MYO18B: variants seen among roughly 807,000 people sequenced by gnomAD.
The protein encoded by MYO18B is myosin XVIIIB.
Under a neutral mutation model 273.0 loss-of-function variants are expected in MYO18B, and 204 were observed. That is an observed-to-expected ratio of 0.75 (90% CI 0.67 to 0.84). MYO18B has a LOEUF of 0.84. MYO18B is among the 40% of genes least tolerant of loss of function. The pLI is 0.00. For synonymous variants in MYO18B, 1,330 were observed against 1,305.7 expected (o/e 1.02, Z -0.40); for missense variants, 3,212 against 3,287.6 (o/e 0.98, Z 0.56).
At chr22:25,824,731 C>T (rs116410840) in intron 13 of MYO18B, among the ~76,000 whole-genome samples, 1 of 152,198 alleles carries the variant, frequency 6.6e-6, no homozygotes, top group African/African-American at 2.4e-5. Flanking sequence ...CAGGTCTGTG[C>T]TCTGGTGTGA....
At chr22:25,819,155 A>G (rs1397866573) in intron 12 of MYO18B, among the ~76,000 whole-genome samples, 1 of 152,146 alleles carries the variant, frequency 6.6e-6, no homozygotes, top group Non-Finnish European at 1.5e-5. Flanking sequence ...CTGATAGTAG[A>G]AGATGCTTTT....
intron 21 of MYO18B, among the ~76,000 whole-genome samples, chr22:25,857,439 C>T (rs1473154098): frequency 6.6e-6 from 1 of 152,002 alleles, no homozygotes; most frequent in African/African-American, 2.4e-5. Context: ...GTTATTCTGT[C>T]TCCCACCCTG....
At chr22:25,934,338 G>C (rs1383137801) in intron 34 of MYO18B, among the ~76,000 whole-genome samples, 5 of 152,050 alleles carry the variant, frequency 3.3e-5, no homozygotes, top group Non-Finnish European at 7.4e-5. Context: ...AAACATCTTA[G>C]AATCCAAATT....
intron 25 of MYO18B, among the ~76,000 whole-genome samples, chr22:25,889,091 T>A (rs983080382): frequency 6.6e-6 from 1 of 152,182 alleles, no homozygotes; most frequent in Admixed American, 6.5e-5. Flanking sequence ...TGCTTTGTTC[T>A]GTGCAAACAA....
At position 25,797,974 on chromosome 22, in the gene MYO18B, G is replaced by A. The variant is rs753860335; in HGVS notation, c.2398G>A (p.Ala800Thr). 2.5e-6 allele frequency: 4 copies of A among 1,614,030 alleles called. No individual in the cohort carries two copies. The highest frequency in any genetic ancestry group is 2.2e-5 in the East Asian group (1 of 44,882). ...GCAGCCTGAAGATAAACAGAAGGCGGCAGCTGCCTTTGCCCAGCTCCAGGG... is the reference window on the plus strand; with the variant it reads ...GCAGCCTGAAGATAAACAGAAGGCGACAGCTGCCTTTGCCCAGCTCCAGGG... Reference protein sequence around the residue: ...WSKPEDKQKAAAAFAQLQGAM... With the variant: ...WSKPEDKQKATAAFAQLQGAM... The change falls in exon 12 of 44, where the codon GCA (alanine) becomes ACA (threonine). Residue 800 changes from alanine to threonine, a missense_variant. Transcript: ENST00000335473.
intron 11 of MYO18B, among the ~76,000 whole-genome samples, chr22:25,794,459 T>G (rs541601220): frequency 9.2e-5 from 14 of 152,226 alleles, no homozygotes; most frequent in Admixed American, 7.8e-4. Flanking sequence ...GTGCTGGGAT[T>G]ACAGGCATGA....
At chr22:25,825,257 G>A (rs1042067199) in intron 13 of MYO18B, among the ~76,000 whole-genome samples, 16 of 152,160 alleles carry the variant, frequency 1.1e-4, no homozygotes, top group African/African-American at 3.6e-4. Context: ...GAGATGCTGG[G>A]AGGCTGTGGG....
chr22:25,800,371 G>A (rs1035750738), intron 12 of MYO18B, among the ~76,000 whole-genome samples: 3 of 152,342 alleles, frequency 2.0e-5, no homozygotes, highest in Admixed American at 2.0e-4. Context: ...GGCTGTTTGG[G>A]CATCACCACT....
At chr22:25,915,774 C>A (rs537518991) in intron 33 of MYO18B, among the ~76,000 whole-genome samples, 1 of 152,276 alleles carries the variant, frequency 6.6e-6, no homozygotes. Context: ...CATATGTTTT[C>A]AATACACAGC....
intron 37 of MYO18B, 67 bp downstream of exon 37, chr22:25,950,517 G>GTTGTGTGTGTGTGT: frequency 3.3e-5 from 8 of 245,048 alleles, no homozygotes; most frequent in Middle Eastern, 1.2e-3. Context: ...GAACTAATAG[G>GTTGTGTGTGTGTGT]ATGTGTGTGT....
intron 19 of MYO18B, among the ~76,000 whole-genome samples, chr22:25,847,053 C>A (rs966436950): frequency 6.7e-6 from 1 of 149,588 alleles, no homozygotes. Context: ...GCACTCCAGC[C>A]TGGCAACGGA....
intron 42 of MYO18B, among the ~76,000 whole-genome samples, chr22:26,013,210 C>T (rs1034923194): frequency 6.6e-6 from 1 of 152,170 alleles, no homozygotes; most frequent in East Asian, 1.9e-4. Context: ...CACTTCTGCA[C>T]CACTACCCAT....
At chr22:25,895,133 G>A in intron 27 of MYO18B, 23 bp from the exon 28 acceptor site, 1 of 1,609,364 alleles carries the variant, frequency 6.2e-7, no homozygotes, top group African/African-American at 1.3e-5. Context: ...TCTTATCCTG[G>A]TCTCCCTGAC....
At chr22:26,045,186 A>G in the MYO18B span, among the ~76,000 whole-genome samples, 1 of 151,602 alleles carries the variant, frequency 6.6e-6, no homozygotes, top group African/African-American at 2.4e-5. Flanking sequence ...TGTCATCTCC[A>G]TGGAAACACA....
chr22:25,812,232 C>T (rs958816760), intron 12 of MYO18B, among the ~76,000 whole-genome samples: 2 of 152,210 alleles, frequency 1.3e-5, no homozygotes, highest in Non-Finnish European at 2.9e-5. Flanking sequence ...TCTGGGCTCA[C>T]ATCTATTTTC....
chr22:25,778,621 A>T (rs1281452218), intron 8 of MYO18B, among the ~76,000 whole-genome samples: 1 of 152,032 alleles, frequency 6.6e-6, no homozygotes, highest in African/African-American at 2.4e-5. Flanking sequence ...CTGGGACTAC[A>T]GGTACACGCC....
chr22:25,948,517 C>T (rs1309511958), intron 36 of MYO18B, among the ~76,000 whole-genome samples: 29 of 5,456 alleles, frequency 5.3e-3, no homozygotes, highest in Non-Finnish European at 0.01. Context: ...TTTCTCTTTC[C>T]TTCTTTCTTT....
chr22:25,848,871 G>A (rs1045714678), intron 20 of MYO18B, among the ~76,000 whole-genome samples: 9 of 152,174 alleles, frequency 5.9e-5, no homozygotes, highest in South Asian at 2.1e-4. Context: ...TAAAGTCTCC[G>A]TGGTCACTAG....
intron 1 of MYO18B, among the ~76,000 whole-genome samples, chr22:25,748,800 A>G (rs2085855730): frequency 6.6e-6 from 1 of 152,206 alleles, no homozygotes; most frequent in Non-Finnish European, 1.5e-5. Flanking sequence ...GCACGGTCTG[A>G]ATCCCTGGCT....
Sources: gnomAD v4.1 joint callset for allele counts (sites outside exome capture counted in the v4.1 genomes callset) on GRCh38, gnomAD v4.1.1 for gene constraint, MANE v1.5 for transcripts, NCBI Gene and HGNC (gene_info 2026-07-23, HGNC 2026-07-21) for gene names.